Variants in FREM3 observed in about 807,000 individuals in gnomAD.
FREM3 encodes the protein FRAS1 related extracellular matrix 3, also known as FRAS1-related extracellular matrix protein 3.
Under a neutral mutation model 129.1 loss-of-function variants are expected in FREM3, and 105 were observed. That is an observed-to-expected ratio of 0.81 (90% CI 0.69 to 0.96). FREM3 has a LOEUF of 0.96. FREM3 is among the 40% of genes least tolerant of loss of function. FREM3 has a pLI of 0.00. For synonymous variants in FREM3, 1,014 were observed against 1,044.9 expected, an observed-to-expected ratio of 0.97 and a Z score of 0.57; for missense variants, 2,593 against 2,666.3, an observed-to-expected ratio of 0.97 and a Z score of 0.61.
intron 2 of FREM3, among the ~76,000 whole-genome samples, chr4:143,660,559 C>CA (rs1560861329): frequency 6.6e-6 from 1 of 152,106 alleles, no homozygotes. Flanking sequence ...ATTGACTTGG[C>CA]GATGCGGGCT....
Position 143,698,492 on chromosome 4 carries a change from G to A in FREM3, c.2184C>T (p.Leu728=), listed in dbSNP as rs1740625092. Residue 728 remains leucine, a synonymous_variant, in exon 1 of 8, where the codon CTC becomes CTT. Coordinates refer to ENST00000329798, the MANE Select transcript of FREM3 (RefSeq NM_001168235.2). ...CATCAGAGTCCTGGTCAATGTATCG[G>A]AGGAAATTCTTCTGGAAGTGAGTGA... The part of the protein sequence containing the change: ...YQLTHFQKNF[L]RYIDQDSDDQ... 6.5e-7 allele frequency: 1 copy of A among 1,537,790 alleles called. No individual in the cohort carries two copies. The highest frequency in any genetic ancestry group is 2.4e-5 in the East Asian group (1 of 40,924).
intron 2 of FREM3, among the ~76,000 whole-genome samples, chr4:143,633,068 CAT>C (rs918134300): frequency 6.6e-6 from 1 of 152,104 alleles, no homozygotes; most frequent in African/African-American, 2.4e-5. Context: ...AGGTCAACTG[CAT>C]AGAGTCCATA....
At chr4:143,578,307 T>C (rs1437431389) in intron 7 of FREM3, among the ~76,000 whole-genome samples, 1 of 152,244 alleles carries the variant, frequency 6.6e-6, no homozygotes, top group Non-Finnish European at 1.5e-5. Flanking sequence ...TATGAAGCCA[T>C]GAAGTTCTGC....
intron 2 of FREM3, among the ~76,000 whole-genome samples, chr4:143,657,088 A>C (rs2149850679): frequency 6.6e-6 from 1 of 152,324 alleles, no homozygotes; most frequent in Middle Eastern, 3.4e-3. Context: ...TTCAATAAGA[A>C]ATGCTAGAAT....
rs748874004 is a variant in FREM3 at position 143,693,179 on chromosome 4, A to T, written c.5209T>A (p.Ser1737Thr). The change falls in exon 2 of 8, where the codon TCC (serine) becomes ACC (threonine). Residue 1737 changes from serine (S) to threonine (T), a missense_variant. By Grantham distance (58) the Ser-to-Thr change is moderately conservative. This residue lies in a region of FREM3 where 2,276 missense variants were observed against 2,267.2 expected (regional missense o/e 1.00). Coordinates refer to ENST00000329798, the MANE Select transcript of FREM3 (RefSeq NM_001168235.2). ...TTGCTGCCCTCATTCAAGACATAGGATATCTTCATCTCATCAATGTCAGCT... is the reference window on the plus strand; with the variant it reads ...TTGCTGCCCTCATTCAAGACATAGGTTATCTTCATCTCATCAATGTCAGCT... ...TQADIDEMKI[S>T]YVLNEGSNAS... 3 of 1,512,812 alleles carry T rather than the reference A, an allele frequency of 2.0e-6. No individual in the cohort carries two copies. The East Asian group carries it at 7.4e-5, about 38-fold the overall frequency. 93.7% of individuals were successfully genotyped at this position (1,512,812 alleles called of 1,614,324 possible).
intron 2 of FREM3, among the ~76,000 whole-genome samples, chr4:143,685,838 G>A (rs1321986369): frequency 6.6e-6 from 1 of 151,762 alleles, no homozygotes; most frequent in East Asian, 1.9e-4. Context: ...GCTGTGGGGG[G>A]CACATCACAC....
In FREM3 at chr4:143,585,684, G is replaced by C. The variant is rs1333986321; in HGVS notation, c.6178+160C>G. Among the ~76,000 whole-genome samples the C allele has an allele frequency of 6.6e-6, 1 of 152,180 alleles. No homozygotes were observed. Among genetic ancestry groups the C allele is most frequent in the Non-Finnish European group, 1.5e-5 (1 of 68,040 alleles). ...GAATAATGTACTTATTTTGTAACCA[G>C]CAGAAGTCATTATGTATACAAACCA... is the stretch of plus-strand genomic sequence containing the variant. On this transcript the variant is annotated intron_variant, in intron 7 of 7. Coordinates refer to ENST00000329798, the MANE Select transcript of FREM3 (RefSeq NM_001168235.2). The surrounding 1 kb of genome is among the most constrained non-coding windows in gnomAD (Gnocchi z 4.2).
intron 2 of FREM3, among the ~76,000 whole-genome samples, chr4:143,662,314 A>C (rs62339313): frequency 0.54 from 81,488 of 151,802 alleles, 22,789 homozygotes; most frequent in East Asian, 0.71. Context: ...GTTTCAAAGA[A>C]CATCTTCATT....
At chr4:143,625,888 G>C (rs1182670160) in intron 3 of FREM3, among the ~76,000 whole-genome samples, 1 of 152,048 alleles carries the variant, frequency 6.6e-6, no homozygotes, top group East Asian at 1.9e-4. Flanking sequence ...AACTGTGCTA[G>C]ATTGATTTAT....
rs185608250 is a variant in FREM3, at chr4:143,691,223, A to G, written c.5275+1890T>C. ...ATCATTCTTATCACTTTAATTCTCA[A>G]GGTGCTTCTTTATCAGGTTAAGAAG... On this transcript the variant is annotated intron_variant, in intron 2 of 7. Coordinates refer to ENST00000329798, the MANE Select transcript of FREM3 (RefSeq NM_001168235.2). 1.4e-3 allele frequency among the ~76,000 whole-genome samples: 216 copies of G among 152,230 alleles called. 1 individual carries two copies. Among genetic ancestry groups the G allele is most frequent in the African/African-American group, 5.1e-3 (210 of 41,524 alleles).
In FREM3 at chr4:143,699,776, G is replaced by A. The variant is rs1202286337; in HGVS notation, c.900C>T (p.Ala300=). Residue 300 remains alanine (A), a synonymous_variant, in exon 1 of 8, where the codon GCC becomes GCT. Transcript: ENST00000329798. This position sits in a 1 kb window ranked among gnomAD's most constrained non-coding sequence, Gnocchi z 4.2. The part of the protein sequence containing the change: ...FQLLVRIRGG[A]ENTPPRPSFM... ...AGCTGGGCCTGGGCGGTGTGTTCTC[G>A]GCTCCGCCGCGGATCCTCACGAGCA... is the stretch of plus-strand genomic sequence containing the variant. The A allele has an allele frequency of 1.3e-6, 2 of 1,533,998 alleles. No individual in the cohort carries two copies. Among genetic ancestry groups the A allele is most frequent in the Non-Finnish European group, 1.7e-6 (2 of 1,145,430 alleles).
intron 2 of FREM3, among the ~76,000 whole-genome samples, chr4:143,643,082 A>C (rs978398057): frequency 1.3e-5 from 2 of 152,194 alleles, no homozygotes; most frequent in Non-Finnish European, 2.9e-5. Context: ...ACCTCACTCC[A>C]GTTAGGATGG....
Position 143,699,622 on chromosome 4 carries a change from G to T in FREM3, c.1054C>A (p.His352Asn). The T allele has an allele frequency of 6.5e-7, 1 of 1,529,938 alleles. No individual in the cohort carries two copies. The highest frequency in any genetic ancestry group is 8.8e-7 in the Non-Finnish European group (1 of 1,142,276). The allele number at this position is 1,529,938 out of a possible 1,614,324, so 94.8% of individuals were successfully genotyped here. Residue 352 changes from histidine (H) to asparagine (N), a missense_variant, in exon 1 of 8, where the codon CAC (histidine) becomes AAC (asparagine). This residue lies in a region of FREM3 where 2,276 missense variants were observed against 2,267.2 expected (regional missense o/e 1.00). Transcript: ENST00000329798. This position sits in a 1 kb window ranked among gnomAD's most constrained non-coding sequence, Gnocchi z 4.2. ...LVFNILNAPTHPPGHPGQQGY... is the reference protein window; with the variant it reads ...LVFNILNAPTNPPGHPGQQGY... ...TGTTGCCCCGGGTGCCCTGGTGGGTGAGTGGGGGCGTTCAGAATGTTGAAC... is the reference window on the plus strand; with the variant it reads ...TGTTGCCCCGGGTGCCCTGGTGGGTTAGTGGGGGCGTTCAGAATGTTGAAC...
At chr4:143,646,135 C>T (rs1430034322) in intron 2 of FREM3, among the ~76,000 whole-genome samples, 1 of 151,376 alleles carries the variant, frequency 6.6e-6, no homozygotes, top group African/African-American at 2.4e-5. Flanking sequence ...ATAATAATAA[C>T]AAAAAAAAGA....
intron 5 of FREM3, among the ~76,000 whole-genome samples, chr4:143,617,354 A>T (rs189468526): frequency 6.6e-6 from 1 of 152,290 alleles, no homozygotes. Context: ...GATGCTGCTT[A>T]ACATTTTACA....
At chr4:143,648,351 T>G (rs1370068623) in intron 2 of FREM3, among the ~76,000 whole-genome samples, 1 of 152,244 alleles carries the variant, frequency 6.6e-6, no homozygotes, top group Non-Finnish European at 1.5e-5. Flanking sequence ...GTTAAAACTT[T>G]AGGGAACTGT....
intron 6 of FREM3, among the ~76,000 whole-genome samples, chr4:143,592,088 G>T (rs1490058950): frequency 6.6e-6 from 1 of 151,982 alleles, no homozygotes; most frequent in Admixed American, 6.6e-5. Context: ...TTTTCCATTT[G>T]CTTGGTAGAT....
chr4:143,596,765 T>G (rs1221966685), intron 6 of FREM3, among the ~76,000 whole-genome samples: 2 of 126,252 alleles, frequency 1.6e-5, no homozygotes, highest in African/African-American at 5.9e-5. Flanking sequence ...CGAGATCCCA[T>G]CTCTATAAAA....
Position 143,699,887 on chromosome 4 carries a change from G to C in FREM3, c.789C>G (p.Asp263Glu). 1 of 1,536,770 alleles carries C rather than the reference G, an allele frequency of 6.5e-7. No homozygotes were observed. Among genetic ancestry groups the C allele is most frequent in the Non-Finnish European group, 8.7e-7 (1 of 1,146,874 alleles). The change falls in exon 1 of 8, where the codon GAC (aspartate) becomes GAG (glutamate). Residue 263 changes from aspartate to glutamate, a missense_variant. Around this residue, in one of 2 missense-constraint regions of FREM3, gnomAD observed 2,276 missense variants for 2,267.2 expected, o/e 1.00. Coordinates refer to ENST00000329798, the MANE Select transcript of FREM3 (RefSeq NM_001168235.2). This position sits in a 1 kb window ranked among gnomAD's most constrained non-coding sequence, Gnocchi z 4.2. ...QHTATSSPNR[D>E]YVPMMVELLG... ...GCAGCTCCACCATCATGGGCACGTA[G>C]TCACGGTTGGGCGAGGAGGTGGCTG...
Sources: allele counts gnomAD v4.1 joint callset (sites outside exome capture counted in the v4.1 genomes callset), GRCh38; gene constraint gnomAD v4.1.1; regional missense constraint gnomAD v4.1.1; non-coding constraint Gnocchi (gnomAD v3.1); transcripts MANE v1.5; gene names NCBI Gene and HGNC (gene_info 2026-07-23, HGNC 2026-07-21).